Variants in CBLN3 observed in about 807,000 individuals in gnomAD.
CBLN3 encodes cerebellin 3 precursor.
A neutral mutation model predicts 17.4 loss-of-function variants in CBLN3; 14 were observed. The observed-to-expected ratio is 0.81, with a 90% CI of 0.53 to 1.26. The LOEUF (loss-of-function observed/expected upper bound fraction) is 1.26, where lower values mean the gene tolerates loss of function less well. Among genes scored for constraint, CBLN3 ranks in the 50% most tolerant of loss-of-function variants. The probability of loss-of-function intolerance (pLI) is 0.00; values close to 1 mark genes in which losing one functional copy is unlikely to be tolerated. For synonymous variants in CBLN3, 129 were observed against 117.4 expected, an observed-to-expected ratio of 1.10 and a Z score of -0.64; for missense variants, 263 against 268.5, an observed-to-expected ratio of 0.98 and a Z score of 0.14.
Position 24,429,065 on chromosome 14 carries a change from C to A in CBLN3, c.-11G>T. On this transcript the variant is annotated 5_prime_UTR_variant, in exon 1 of 3. Transcript: ENST00000267406. ...CTTGGCTCCCAACATGGCTGAGGGG[C>A]TCTGCAACCCACAAGTGCCCCGGTC... 6.8e-7 allele frequency: 1 copy of A among 1,480,576 alleles called. No individual in the cohort carries two copies. The highest frequency in any genetic ancestry group is 2.5e-5 in the Admixed American group (1 of 39,828). 91.7% of individuals were successfully genotyped at this position (1,480,576 alleles called of 1,614,324 possible). A position where few individuals can be genotyped will look rare whatever the true frequency, so the allele number is the denominator to read the frequency against.
intron 1 of CBLN3, 47 bp from the exon 2 acceptor site, chr14:24,428,452 G>T (rs1242091976): frequency 6.2e-7 from 1 of 1,608,668 alleles, no homozygotes; most frequent in South Asian, 1.1e-5. Flanking sequence ...AATGCCCATG[G>T]CTCAGGGGTA....
rs376939942 is a variant in CBLN3, at chr14:24,428,844, G to T, written c.211C>A (p.Arg71=). ...GAALGEAPPG[R]VAFAAVRSHH... ...CTTCGGACCGCAGCAAATGCCACTC[G>T]CCCAGGGGGTGCCTCTCCCAGGGCT... Residue 71 remains arginine, a synonymous_variant, in exon 1 of 3, where the codon CGA becomes AGA. Coordinates refer to ENST00000267406, the MANE Select transcript of CBLN3 (RefSeq NM_001039771.3). 6.2e-7 allele frequency: 1 copy of T among 1,612,234 alleles called. No homozygotes were observed. Among genetic ancestry groups the T allele is most frequent in the Non-Finnish European group, 8.5e-7 (1 of 1,179,316 alleles).
rs753406853 is a variant in CBLN3, at chr14:24,426,752, C to G, written c.*1037G>C. Reference sequence around the variant, plus strand: ...AAAGAGAGAGGGAGGGTTTAGCATACTGGCAGGAGAGGGTCTGAAGGAATG... The same window carrying G: ...AAAGAGAGAGGGAGGGTTTAGCATAGTGGCAGGAGAGGGTCTGAAGGAATG... On this transcript the variant is annotated 3_prime_UTR_variant, in exon 3 of 3. Transcript: ENST00000267406. 6.6e-6 allele frequency: 1 copy of G among 152,156 alleles called. No homozygotes were observed. Among genetic ancestry groups the G allele is most frequent in the Non-Finnish European group, 1.5e-5 (1 of 68,080 alleles). 9.4% of individuals were successfully genotyped at this position (152,156 alleles called of 1,614,324 possible). A position where few individuals can be genotyped will look rare whatever the true frequency, so the allele number is the denominator to read the frequency against.
Position 24,429,112 on chromosome 14 carries a change from G to T in CBLN3, c.-58C>A. The T allele has an allele frequency of 6.9e-7, 1 of 1,446,832 alleles. No homozygotes were observed. The highest frequency in any genetic ancestry group is 9.2e-7 in the Non-Finnish European group (1 of 1,092,600). 89.6% of individuals were successfully genotyped at this position (1,446,832 alleles called of 1,614,324 possible). A position where few individuals can be genotyped will look rare whatever the true frequency, so the allele number is the denominator to read the frequency against. On this transcript the variant is annotated 5_prime_UTR_variant, in exon 1 of 3. Coordinates refer to ENST00000267406, the MANE Select transcript of CBLN3 (RefSeq NM_001039771.3). ...GGTCTTCTGCCCCTCTTCTGTTTCC[G>T]CTCCTCTCCCTGGATTCTCACCGCC...
rs1479248794 is a variant in CBLN3, at chr14:24,428,750, A to T, written c.300+5T>A. On this transcript the variant is annotated splice_donor_5th_base_variant and intron_variant, in intron 1 of 2. Transcript: ENST00000267406. ...AGGTCCCCTGGACAGGGGTAGGGGG[A>T]TTACCTGGTCGAAGTAGATGGCCCC... 1 of 1,575,540 alleles carries T rather than the reference A, an allele frequency of 6.3e-7. No individual in the cohort carries two copies.
Position 24,427,562 on chromosome 14 carries a change from C to T in CBLN3, c.*227G>A, listed in dbSNP as rs2043032207. ...GGGCTGCAGGCAGGAACAGATGCAG[C>T]AGGTGGCTGGGAGGGTAACTGGGGG... On this transcript the variant is annotated 3_prime_UTR_variant, in exon 3 of 3. Coordinates refer to ENST00000267406, the MANE Select transcript of CBLN3 (RefSeq NM_001039771.3). The surrounding 1 kb of genome is among the most constrained non-coding windows in gnomAD (Gnocchi z 4.4). 1.6e-4 allele frequency: 66 copies of T among 422,056 alleles called. No homozygotes were observed. Among genetic ancestry groups the T allele is most frequent in the South Asian group, 1.4e-3 (61 of 44,650 alleles). 26.1% of individuals were successfully genotyped at this position (422,056 alleles called of 1,614,324 possible).
intron 1 of CBLN3, 57 bp from the exon 2 acceptor site, chr14:24,428,462 A>AC: frequency 6.3e-7 from 1 of 1,597,280 alleles, no homozygotes; most frequent in Non-Finnish European, 8.6e-7. Context: ...GCTCAGGGGT[A>AC]CCATGGGGAC....
Position 24,428,847 on chromosome 14 carries a change from C to T in CBLN3, c.208G>A (p.Gly70Arg). ...GGAALGEAPPGRVAFAAVRSH... is the reference protein window; with the variant it reads ...GGAALGEAPPRRVAFAAVRSH... ...CGGACCGCAGCAAATGCCACTCGCC[C>T]AGGGGGTGCCTCTCCCAGGGCTGCT... The change falls in exon 1 of 3, where the codon GGG becomes AGG. Residue 70 changes from glycine (G) to arginine (R), a missense_variant. Gly to Arg is a moderately radical substitution (Grantham distance 125). Transcript: ENST00000267406. 8 of 1,612,264 alleles carry T rather than the reference C, an allele frequency of 5.0e-6. No individual in the cohort carries two copies. The highest frequency in any genetic ancestry group is 5.9e-6 in the Non-Finnish European group (7 of 1,179,342).
Position 24,427,806 on chromosome 14 carries a change from G to A in CBLN3, c.601C>T (p.Leu201Phe), listed in dbSNP as rs370461144. The change falls in exon 3 of 3, where the codon CTC becomes TTC. Residue 201 changes from leucine to phenylalanine, a missense_variant. Physicochemically the swap from Leu to Phe is conservative, Grantham distance 22. Transcript: ENST00000267406. This position sits in a 1 kb window ranked among gnomAD's most constrained non-coding sequence, Gnocchi z 4.4. ...GWKYSSFSGF[L>F]IFPL ...TTGGGTCCTCAGAGAGGGAAGATGA[G>A]GAAGCCAGAGAAACTTGAGTATTTC... The A allele has an allele frequency of 5.1e-5, 83 of 1,613,984 alleles. No individual in the cohort carries two copies. The highest frequency in any genetic ancestry group is 6.4e-5 in the Non-Finnish European group (76 of 1,179,996).
At chr14:24,428,502 A>T in intron 1 of CBLN3, 97 bp from the exon 2 acceptor site, 7 of 1,416,618 alleles carry the variant, frequency 4.9e-6, no homozygotes, top group Non-Finnish European at 6.8e-6. Flanking sequence ...TAATGAATAG[A>T]AGGAGTGGCA....
Position 24,426,955 on chromosome 14 carries a change from G to A in CBLN3, c.*834C>T, listed in dbSNP as rs2043026268. The A allele has an allele frequency of 6.6e-6, 1 of 152,428 alleles. No individual in the cohort carries two copies. Among genetic ancestry groups the A allele is most frequent in the African/African-American group, 2.4e-5 (1 of 41,460 alleles). The allele number at this position is 152,428 out of a possible 1,614,324, so 9.4% of individuals were successfully genotyped here. ...GAGGGACTAAAGTTCAAACTTCAAA[G>A]GTGGAGCAGTTTCAGGAGGTGGCCA... On this transcript the variant is annotated 3_prime_UTR_variant, in exon 3 of 3. Transcript: ENST00000267406.
intron 1 of CBLN3, 62 bp downstream of exon 1, chr14:24,428,693 C>T (rs906741953): frequency 6.7e-7 from 1 of 1,501,328 alleles, no homozygotes. Context: ...TGGGCTTGGA[C>T]AGTTGCTTCC....
intron 1 of CBLN3, 88 bp downstream of exon 1, chr14:24,428,667 C>T: frequency 7.0e-7 from 1 of 1,433,086 alleles, no homozygotes; most frequent in African/African-American, 1.4e-5. Flanking sequence ...TTCTTAAAGC[C>T]TCAGAGACAG....
intron 1 of CBLN3, among the ~76,000 whole-genome samples, 172 bp from the exon 2 acceptor site, chr14:24,428,577 C>T (rs1409323010): frequency 6.8e-6 from 1 of 147,394 alleles, no homozygotes; most frequent in African/African-American, 2.5e-5. Context: ...GAGAGGGCTG[C>T]GTATGGGTGG....
rs754982424 is a variant in CBLN3 at position 24,428,279 on chromosome 14, A to G, written c.420+7T>C. 1 of 1,613,444 alleles carries G rather than the reference A, an allele frequency of 6.2e-7. No individual in the cohort carries two copies. The highest frequency in any genetic ancestry group is 1.7e-5 in the Admixed American group (1 of 59,986). ...GAGCCGGGGATGGGGGCCAGTGCTG[A>G]GGTCACCTGGACAGTTTGGCGGTTG... On this transcript the variant is annotated splice_region_variant and intron_variant, in intron 2 of 2. Transcript: ENST00000267406.
rs2043023029 is a variant in CBLN3, at chr14:24,426,687, T to TA, written c.*1101dup. ...CACCATTCTCTAGTTGTTTTATTGA[T>TA]AGATTCATCCAGGCTGGGCCAATGG... On this transcript the variant is annotated 3_prime_UTR_variant, in exon 3 of 3. Coordinates refer to ENST00000267406, the MANE Select transcript of CBLN3 (RefSeq NM_001039771.3). The TA allele has an allele frequency of 6.6e-6, 1 of 152,178 alleles. No individual in the cohort carries two copies. Among genetic ancestry groups the TA allele is most frequent in the Admixed American group, 6.5e-5 (1 of 15,278 alleles). 9.4% of individuals were successfully genotyped at this position (152,178 alleles called of 1,614,324 possible).
chr14:24,428,527 G>T, intron 1 of CBLN3, 122 bp from the exon 2 acceptor site: 1 of 1,227,408 alleles, frequency 8.1e-7, no homozygotes. Flanking sequence ...GGAGTGAATA[G>T]GAGTGAACAG....
chr14:24,428,170 G>A (rs1329692809), intron 2 of CBLN3, 116 bp downstream of exon 2: 2 of 1,433,928 alleles, frequency 1.4e-6, no homozygotes, highest in African/African-American at 2.8e-5. Flanking sequence ...TTCCTCCCCT[G>A]GTCCTGGCCT....
chr14:24,428,772 C>T lies in CBLN3; in HGVS notation c.283G>A (p.Ala95Thr), dbSNP rs750363924. Residue 95 changes from alanine (A) to threonine (T), a missense_variant, in exon 1 of 3, where the codon GCC (alanine) becomes ACC (threonine). Physicochemically the swap from Ala to Thr is moderately conservative, Grantham distance 58. Coordinates refer to ENST00000267406, the MANE Select transcript of CBLN3 (RefSeq NM_001039771.3). ...GGGATTACCTGGTCGAAGTAGATGG[C>T]CCCACTGGTGCCATTGCCGGTTTCC... is the stretch of plus-strand genomic sequence containing the variant. ...AGETGNGTSGAIYFDQVLVNE... is the reference protein window; with the variant it reads ...AGETGNGTSGTIYFDQVLVNE... The T allele has an allele frequency of 6.3e-7, 1 of 1,597,556 alleles. No homozygotes were observed. Among genetic ancestry groups the T allele is most frequent in the Admixed American group, 1.7e-5 (1 of 59,298 alleles).
Sources: gnomAD v4.1 joint callset for allele counts (sites outside exome capture counted in the v4.1 genomes callset) on GRCh38, gnomAD v4.1.1 for gene constraint, Gnocchi (gnomAD v3.1) non-coding constraint, MANE v1.5 for transcripts, NCBI Gene and HGNC (gene_info 2026-07-23, HGNC 2026-07-21) for gene names.